The following CSMD1 variants were observed in gnomAD, a reference collection of about 807,000 sequenced individuals.
The protein encoded by CSMD1 is CUB and Sushi multiple domains 1.
In CSMD1, 213 loss-of-function variants were observed where a neutral mutation model predicts 417.5. The observed-to-expected ratio is 0.51, with a 90% CI of 0.46 to 0.57. CSMD1 has a LOEUF of 0.57. Ranked by LOEUF, CSMD1 falls within the 20% of genes least tolerant of loss-of-function variation. The probability of loss-of-function intolerance (pLI) is 0.00; values close to 1 mark genes in which losing one functional copy is unlikely to be tolerated. For missense variants in CSMD1, 6,923 were observed against 4,529.7 expected (o/e 1.53, Z -15.17); for synonymous variants, 2,862 against 1,736.8 (o/e 1.65, Z -16.11).
At chr8:3,589,160 CATT>C (rs1434667419) in intron 8 of CSMD1, among the ~76,000 whole-genome samples, 6 of 152,088 alleles carry the variant, frequency 3.9e-5, no homozygotes, top group African/African-American at 1.4e-4. Flanking sequence ...TTAGCATACT[CATT>C]ATGGAAAATA....
Position 4,540,325 on chromosome 8 carries a change from T to C in CSMD1, c.302+97017A>G, listed in dbSNP as rs73661518. ...TTTCAGAAATCACCACTAAAAAACT[T>C]TTCCATGCAACCAAACACCACCTGT... On this transcript the variant is annotated intron_variant, in intron 2 of 69. Coordinates refer to ENST00000635120, the MANE Select transcript of CSMD1 (RefSeq NM_033225.6). 2.3e-3 allele frequency among the ~76,000 whole-genome samples: 350 copies of C among 152,222 alleles called. 4 individuals are homozygous for C. Among genetic ancestry groups the C allele is most frequent in the African/African-American group, 7.9e-3 (328 of 41,514 alleles).
At chr8:3,885,416 C>A (rs889455416) in intron 5 of CSMD1, among the ~76,000 whole-genome samples, 3 of 152,026 alleles carry the variant, frequency 2.0e-5, no homozygotes, top group African/African-American at 2.4e-5. Context: ...GGACAATATC[C>A]CATCACAGGA....
chr8:3,187,367 G>C (rs1563123973), intron 36 of CSMD1, among the ~76,000 whole-genome samples: 4 of 152,284 alleles, frequency 2.6e-5, no homozygotes, highest in South Asian at 2.1e-4. Flanking sequence ...GTCAAGGCGG[G>C]TGCATTCGTG....
chr8:4,175,808 G>A (rs1465712801), intron 3 of CSMD1, among the ~76,000 whole-genome samples: 1 of 152,218 alleles, frequency 6.6e-6, no homozygotes, highest in South Asian at 2.1e-4. Context: ...CAATACAACA[G>A]CATATATAAA....
rs769908289 is a variant in CSMD1 at position 3,419,656 on chromosome 8, G to GA, written c.1562-10052dup. On this transcript the variant is annotated intron_variant, in intron 12 of 69. Coordinates refer to ENST00000635120, the MANE Select transcript of CSMD1 (RefSeq NM_033225.6). Reference sequence around the variant, plus strand: ...ACAGGATTGAGAAGCAAATAAATAGGAAAAAAAAAGTGGAGAAATAATTCA... The same window carrying GA: ...ACAGGATTGAGAAGCAAATAAATAGGAAAAAAAAAAGTGGAGAAATAATTCA... 4.1e-4 allele frequency among the ~76,000 whole-genome samples: 62 copies of GA among 149,428 alleles called. 1 individual carries two copies. The highest frequency in any genetic ancestry group is 6.1e-4 in the Non-Finnish European group (41 of 67,254).
chr8:4,094,216 C>T (rs1800879043), intron 3 of CSMD1, among the ~76,000 whole-genome samples: 1 of 151,978 alleles, frequency 6.6e-6, no homozygotes, highest in African/African-American at 2.4e-5. Context: ...CTTGGCTGCA[C>T]TAGCTGCCCT....
At chr8:4,657,244 T>C (rs902672457) in intron 1 of CSMD1, among the ~76,000 whole-genome samples, 1 of 152,110 alleles carries the variant, frequency 6.6e-6, no homozygotes, top group African/African-American at 2.4e-5. Context: ...GTAGTTTCAG[T>C]GCAAACAAGA....
intron 65 of CSMD1, among the ~76,000 whole-genome samples, chr8:2,951,766 CA>C (rs1802654862): frequency 6.6e-6 from 1 of 152,160 alleles, no homozygotes; most frequent in Non-Finnish European, 1.5e-5. Context: ...ATCCCAGCAC[CA>C]AGTGGACTTA....
chr8:3,332,657 G>C (rs1186626881), intron 23 of CSMD1, among the ~76,000 whole-genome samples: 1 of 152,144 alleles, frequency 6.6e-6, no homozygotes, highest in Non-Finnish European at 1.5e-5. Context: ...ATGTCTTCAA[G>C]TGTGTGTGGG....
intron 49 of CSMD1, among the ~76,000 whole-genome samples, chr8:3,071,749 C>T (rs1813338231): frequency 6.6e-6 from 1 of 152,192 alleles, no homozygotes; most frequent in Admixed American, 6.5e-5. Context: ...GACATCAAAA[C>T]AGCCTAAATG....
intron 2 of CSMD1, among the ~76,000 whole-genome samples, chr8:4,441,217 G>T (rs1345557558): frequency 7.3e-5 from 10 of 137,638 alleles, no homozygotes; most frequent in Non-Finnish European, 1.2e-4. Flanking sequence ...TCGCACGTCA[G>T]CCTCTTGAGT....
intron 3 of CSMD1, among the ~76,000 whole-genome samples, chr8:4,098,197 C>T (rs1801123815): frequency 6.6e-6 from 1 of 152,154 alleles, no homozygotes; most frequent in African/African-American, 2.4e-5. Flanking sequence ...CTAATTTCAA[C>T]ACAATTCTAT....
chr8:4,871,465 C>T lies in CSMD1; in HGVS notation c.85+122867G>A, dbSNP rs555673741. Among the ~76,000 whole-genome samples the T allele has an allele frequency of 1.4e-3, 219 of 152,122 alleles. 2 individuals are homozygous for T. Among genetic ancestry groups the T allele is most frequent in the African/African-American group, 4.8e-3 (200 of 41,460 alleles). On this transcript the variant is annotated intron_variant, in intron 1 of 69. Coordinates refer to ENST00000635120, the MANE Select transcript of CSMD1 (RefSeq NM_033225.6). ...CCGCTGAGCCACATAAAGAAAGATG[C>T]GTGTGAATATAATCAAGTTGACCCA...
chr8:4,713,452 A>G (rs1808442587), intron 1 of CSMD1, among the ~76,000 whole-genome samples: 1 of 152,036 alleles, frequency 6.6e-6, no homozygotes, highest in Non-Finnish European at 1.5e-5. Context: ...CCCAGGCTGG[A>G]GTGCAGTGGC....
At chr8:4,396,979 G>T (rs1021056296) in intron 3 of CSMD1, among the ~76,000 whole-genome samples, 10 of 151,624 alleles carry the variant, frequency 6.6e-5, no homozygotes, top group African/African-American at 1.9e-4. Context: ...ATCACTAAAG[G>T]ACCTATTCAT....
At chr8:3,344,256 T>G (rs1167364397) in intron 22 of CSMD1, among the ~76,000 whole-genome samples, 2 of 152,056 alleles carry the variant, frequency 1.3e-5, no homozygotes, top group Admixed American at 6.6e-5. Flanking sequence ...GTAAAAGTGT[T>G]TAGGACCCAT....
chr8:4,390,661 C>T (rs1803789143), intron 3 of CSMD1, among the ~76,000 whole-genome samples: 1 of 151,708 alleles, frequency 6.6e-6, no homozygotes, highest in Admixed American at 6.6e-5. Context: ...CGACAGGCAC[C>T]CCCCACCACG....
intron 5 of CSMD1, among the ~76,000 whole-genome samples, chr8:3,871,911 T>A (rs1309839829): frequency 6.6e-6 from 1 of 152,152 alleles, no homozygotes; most frequent in Non-Finnish European, 1.5e-5. Flanking sequence ...ATAAAATGAA[T>A]TAACGTAGCC....
intron 5 of CSMD1, among the ~76,000 whole-genome samples, chr8:3,997,280 G>A (rs551188929): frequency 2.6e-5 from 4 of 152,230 alleles, no homozygotes; most frequent in African/African-American, 4.8e-5. Flanking sequence ...TTGCAATCAC[G>A]ACCATCACTC....
Sources: allele counts gnomAD v4.1 joint callset (sites outside exome capture counted in the v4.1 genomes callset), GRCh38; gene constraint gnomAD v4.1.1; transcripts MANE v1.5; gene names NCBI Gene and HGNC (gene_info 2026-07-23, HGNC 2026-07-21).